PLXDC2: variants seen among roughly 807,000 people sequenced by gnomAD.
PLXDC2 encodes plexin domain-containing protein 2.
In PLXDC2, 40 loss-of-function variants were observed where a neutral mutation model predicts 68.9. The observed-to-expected ratio is 0.58, with a 90% confidence interval of 0.45 to 0.76. The LOEUF (loss-of-function observed/expected upper bound fraction) is 0.76. Among genes scored for constraint, PLXDC2 ranks in the 30% least tolerant of loss-of-function variants. The probability of loss-of-function intolerance (pLI) is 0.00; values close to 1 mark genes in which losing one functional copy is unlikely to be tolerated. For missense variants in PLXDC2, 644 were observed against 661.9 expected, an observed-to-expected ratio of 0.97 and a Z score of 0.30; for synonymous variants, 243 against 234.2, an observed-to-expected ratio of 1.04 and a Z score of -0.34.
intron 3 of PLXDC2, among the ~76,000 whole-genome samples, chr10:20,056,688 C>A (rs141432018): frequency 6.6e-6 from 1 of 152,212 alleles, no homozygotes; most frequent in East Asian, 1.9e-4. Context: ...CAAGAAGTTG[C>A]CTTCTTATTT....
At chr10:19,844,714 G>A (rs1324225944) in intron 1 of PLXDC2, among the ~76,000 whole-genome samples, 2 of 151,850 alleles carry the variant, frequency 1.3e-5, no homozygotes, top group Non-Finnish European at 2.9e-5. Flanking sequence ...TCCCACCTCA[G>A]CCTCCTGAGT....
intron 6 of PLXDC2, among the ~76,000 whole-genome samples, chr10:20,162,847 T>C (rs1157207747): frequency 6.8e-6 from 1 of 147,168 alleles, no homozygotes; most frequent in East Asian, 2.0e-4. Context: ...GTGGATCACT[T>C]GAGGCCAGGA....
chr10:20,057,936 G>A (rs1836027718), intron 3 of PLXDC2, among the ~76,000 whole-genome samples: 1 of 151,684 alleles, frequency 6.6e-6, no homozygotes, highest in South Asian at 2.1e-4. Context: ...AAAAAAAGAT[G>A]TGGGGGGCTC....
intron 1 of PLXDC2, among the ~76,000 whole-genome samples, chr10:19,981,157 G>C (rs1302260686): frequency 6.6e-6 from 1 of 152,138 alleles, no homozygotes; most frequent in Non-Finnish European, 1.5e-5. Flanking sequence ...ATCTTCAATA[G>C]TTGAATCTTT....
chr10:20,261,859 AAT>A (rs1835812713), intron 13 of PLXDC2, among the ~76,000 whole-genome samples: 1 of 27,020 alleles, frequency 3.7e-5, no homozygotes, highest in Non-Finnish European at 1.5e-4. Context: ...CATCTCAAAT[AAT>A]AATAATAATA....
intron 3 of PLXDC2, among the ~76,000 whole-genome samples, chr10:20,055,039 A>G (rs1270608511): frequency 6.6e-6 from 1 of 152,084 alleles, no homozygotes; most frequent in African/African-American, 2.4e-5. Context: ...AGGAAGATTG[A>G]TTCTTTAAAT....
At chr10:19,854,030 A>T (rs1485420197) in intron 1 of PLXDC2, among the ~76,000 whole-genome samples, 1 of 152,074 alleles carries the variant, frequency 6.6e-6, no homozygotes, top group African/African-American at 2.4e-5. Flanking sequence ...GTGCCATGGA[A>T]TCAGCACAGA....
chr10:20,265,208 A>T (rs546396973), intron 13 of PLXDC2, among the ~76,000 whole-genome samples: 2 of 152,314 alleles, frequency 1.3e-5, no homozygotes, highest in African/African-American at 4.8e-5. Flanking sequence ...AACTCTGCCA[A>T]TGTTCTTTCC....
At chr10:20,229,684 C>T (rs952141369) in intron 12 of PLXDC2, among the ~76,000 whole-genome samples, 3 of 152,076 alleles carry the variant, frequency 2.0e-5, no homozygotes, top group African/African-American at 7.2e-5. Context: ...TTGCTCCTCC[C>T]GTTAAGACTA....
intron 4 of PLXDC2, among the ~76,000 whole-genome samples, chr10:20,087,287 G>A (rs1343213220): frequency 2.6e-5 from 4 of 152,238 alleles, no homozygotes; most frequent in Admixed American, 2.0e-4. Context: ...TTGCAGAGGA[G>A]GTGTTCATGT....
At chr10:19,950,654 A>AT (rs1454437797) in intron 1 of PLXDC2, among the ~76,000 whole-genome samples, 3 of 152,190 alleles carry the variant, frequency 2.0e-5, no homozygotes, top group Non-Finnish European at 4.4e-5. Flanking sequence ...AAAACTATGC[A>AT]AAAATTCATA....
intron 10 of PLXDC2, among the ~76,000 whole-genome samples, chr10:20,215,293 A>G (rs61854646): frequency 0.17 from 26,413 of 152,046 alleles, 3,010 homozygotes; most frequent in Non-Finnish European, 0.25. Context: ...GGAGATATTT[A>G]GAAACATTGG....
intron 10 of PLXDC2, among the ~76,000 whole-genome samples, chr10:20,215,007 C>G (rs1236954742): frequency 6.6e-6 from 1 of 152,092 alleles, no homozygotes; most frequent in African/African-American, 2.4e-5. Flanking sequence ...TATGAATAAT[C>G]AACATAAAGA....
intron 2 of PLXDC2, among the ~76,000 whole-genome samples, chr10:20,012,128 G>C (rs1255278082): frequency 1.3e-5 from 2 of 151,896 alleles, no homozygotes; most frequent in Admixed American, 1.3e-4. Context: ...AATAGAGAAG[G>C]CATTTAATTT....
intron 1 of PLXDC2, among the ~76,000 whole-genome samples, chr10:19,889,913 A>G (rs962083096): frequency 6.6e-6 from 1 of 152,214 alleles, no homozygotes; most frequent in Non-Finnish European, 1.5e-5. Flanking sequence ...TTGTTGGTTT[A>G]TAGATTAGCC....
intron 13 of PLXDC2, among the ~76,000 whole-genome samples, chr10:20,252,156 T>G (rs1351520380): frequency 6.6e-6 from 1 of 152,176 alleles, no homozygotes; most frequent in Non-Finnish European, 1.5e-5. Context: ...ATAGTGGTTA[T>G]AATTCCTACC....
chr10:19,919,010 G>A (rs1319385035), intron 1 of PLXDC2, among the ~76,000 whole-genome samples: 2 of 152,170 alleles, frequency 1.3e-5, no homozygotes, highest in African/African-American at 4.8e-5. Context: ...AATGACACAT[G>A]GGATGGGTCA....
At chr10:20,162,671 A>G (rs906963500) in intron 6 of PLXDC2, among the ~76,000 whole-genome samples, 5 of 152,108 alleles carry the variant, frequency 3.3e-5, no homozygotes, top group African/African-American at 7.2e-5. Context: ...TTCATATTAG[A>G]GTACTCAGCA....
At chr10:20,145,675 G>C (rs1334991358) in intron 5 of PLXDC2, among the ~76,000 whole-genome samples, 2 of 151,782 alleles carry the variant, frequency 1.3e-5, no homozygotes, top group East Asian at 1.9e-4. Context: ...TCAACCTCCC[G>C]AGTAGCTGGG....
Sources: gnomAD v4.1 joint callset for allele counts (sites outside exome capture counted in the v4.1 genomes callset) on GRCh38, gnomAD v4.1.1 for gene constraint, MANE v1.5 for transcripts, NCBI Gene and HGNC (gene_info 2026-07-23, HGNC 2026-07-21) for gene names.